ARID4B: variants seen among roughly 807,000 people sequenced by gnomAD.
ARID4B encodes the protein AT-rich interactive domain-containing protein 4B.
In ARID4B, 26 loss-of-function variants were observed where a neutral mutation model predicts 147.5. That is an observed-to-expected ratio of 0.18 (90% confidence interval 0.13 to 0.24). The LOEUF (loss-of-function observed/expected upper bound fraction) is 0.24. Ranked by LOEUF, ARID4B falls within the 10% of genes least tolerant of loss-of-function variation. The probability of loss-of-function intolerance (pLI) is 1.00; values close to 1 mark genes in which losing one functional copy is unlikely to be tolerated. For missense variants in ARID4B, 1,179 were observed against 1,511.5 expected, an observed-to-expected ratio of 0.78 and a Z score of 3.65; for synonymous variants, 512 against 507.9, an observed-to-expected ratio of 1.01 and a Z score of -0.11.
intron 23 of ARID4B, among the ~76,000 whole-genome samples, chr1:235,171,306 G>A (rs1053227945): frequency 1.3e-5 from 2 of 151,864 alleles, no homozygotes; most frequent in African/African-American, 2.4e-5. Context: ...GTGGCAGCAC[G>A]CTTGTAATCC....
chr1:235,291,289 C>T (rs1431979774), intron 2 of ARID4B, among the ~76,000 whole-genome samples: 1 of 151,756 alleles, frequency 6.6e-6, no homozygotes, highest in Non-Finnish European at 1.5e-5. Context: ...TGCCTGTAGT[C>T]CCAGCTACCT....
At chr1:235,307,053 G>A (rs1210448516) in intron 2 of ARID4B, among the ~76,000 whole-genome samples, 1 of 152,164 alleles carries the variant, frequency 6.6e-6, no homozygotes. Flanking sequence ...AAGCTTTTCA[G>A]TGAGAGAAAG....
At chr1:235,283,594 C>T (rs1352862456) in intron 2 of ARID4B, among the ~76,000 whole-genome samples, 1 of 151,878 alleles carries the variant, frequency 6.6e-6, no homozygotes, top group Non-Finnish European at 1.5e-5. Flanking sequence ...GCTTTATGTT[C>T]ATTATTAAAT....
At chr1:235,235,630 G>A (rs960355773) in intron 8 of ARID4B, among the ~76,000 whole-genome samples, 7 of 152,110 alleles carry the variant, frequency 4.6e-5, no homozygotes, top group African/African-American at 1.4e-4. Context: ...GCTTTAAAAG[G>A]AGATGAGATC....
At chr1:235,184,397 A>G (rs1664529603) in intron 19 of ARID4B, among the ~76,000 whole-genome samples, 1 of 152,116 alleles carries the variant, frequency 6.6e-6, no homozygotes, top group South Asian at 2.1e-4. Context: ...GGTCTTAAAT[A>G]AATAAGAAAA....
chr1:235,270,684 T>C (rs918999914), intron 2 of ARID4B, among the ~76,000 whole-genome samples: 1 of 152,228 alleles, frequency 6.6e-6, no homozygotes, highest in Non-Finnish European at 1.5e-5. Flanking sequence ...GGCACTGTTC[T>C]AAGTATCAAA....
chr1:235,201,514 G>A (rs1354687338), intron 17 of ARID4B, among the ~76,000 whole-genome samples: 2 of 152,074 alleles, frequency 1.3e-5, no homozygotes, highest in Non-Finnish European at 2.9e-5. Context: ...TGTAGAGAGA[G>A]GGTGTCACTA....
intron 2 of ARID4B, among the ~76,000 whole-genome samples, chr1:235,271,392 G>A (rs933809359): frequency 6.6e-6 from 1 of 151,956 alleles, no homozygotes; most frequent in Non-Finnish European, 1.5e-5. Flanking sequence ...CACTTTGGGA[G>A]GCTGAGACAG....
In ARID4B at chr1:235,231,175, C is replaced by T; in HGVS notation, c.680G>A (p.Arg227Lys). 1 of 1,581,294 alleles carries T rather than the reference C, an allele frequency of 6.3e-7. No homozygotes were observed. The part of the protein sequence containing the change: ...FKDGKFTSVP[R>K]KDVHEITSDT... ...ACTAGTAATTTCATGGACATCTTTTCTTGGAACTGAAGTACTATATATTTT... is the reference window on the plus strand; with the variant it reads ...ACTAGTAATTTCATGGACATCTTTTTTTGGAACTGAAGTACTATATATTTT... The change falls in exon 10 of 24, where the codon AGA (arginine) becomes AAA (lysine). Residue 227 changes from arginine to lysine, a missense_variant. By Grantham distance (26) the Arg-to-Lys change is conservative (BLOSUM62 2). Transcript: ENST00000264183.
At chr1:235,204,772 G>C (rs1666198898) in intron 17 of ARID4B, among the ~76,000 whole-genome samples, 1 of 152,176 alleles carries the variant, frequency 6.6e-6, no homozygotes, top group South Asian at 2.1e-4. Context: ...TTAGTTATTT[G>C]TGCGTACTTA....
chr1:235,323,523 G>A (rs1462267814), intron 2 of ARID4B, among the ~76,000 whole-genome samples: 18 of 152,118 alleles, frequency 1.2e-4, no homozygotes, highest in Non-Finnish European at 5.9e-5. Flanking sequence ...AGTGGCTCAC[G>A]CCTGTAATCC....
intron 2 of ARID4B, among the ~76,000 whole-genome samples, chr1:235,273,283 A>T (rs1671106960): frequency 6.6e-6 from 1 of 152,154 alleles, no homozygotes; most frequent in Non-Finnish European, 1.5e-5. Flanking sequence ...ACCTCAGATG[A>T]TCCGCCAGCC....
chr1:235,190,654 T>C (rs1665033296), intron 19 of ARID4B, among the ~76,000 whole-genome samples: 1 of 152,110 alleles, frequency 6.6e-6, no homozygotes, highest in Non-Finnish European at 1.5e-5. Context: ...AATAAAGATA[T>C]TTGCAAAAAT....
Position 235,223,260 on chromosome 1 carries a change from C to T in ARID4B, c.971G>A (p.Gly324Asp). 3 of 1,534,284 alleles carry T rather than the reference C, an allele frequency of 2.0e-6. No individual in the cohort carries two copies. The highest frequency in any genetic ancestry group is 2.1e-5 in the Admixed American group (1 of 47,130). ...TACAGGTCGTTTGTTAATAGGTGTA[C>T]CTGTTACAGAAAACACAAACTATAT... ...QQLYKFMEDRGTPINKRPVLG... is the reference protein window; with the variant it reads ...QQLYKFMEDRDTPINKRPVLG... The change falls in exon 13 of 24, where the codon GGT becomes GAT. Residue 324 changes from glycine to aspartate, a missense_variant and splice_region_variant. Around this residue, in one of 10 missense-constraint regions of ARID4B, gnomAD observed 26 missense variants for 77.9 expected, o/e 0.33. Transcript: ENST00000264183.
At chr1:235,195,820 T>C (rs773387095) in intron 18 of ARID4B, among the ~76,000 whole-genome samples, 40 of 152,192 alleles carry the variant, frequency 2.6e-4, no homozygotes, top group Non-Finnish European at 4.4e-4. Context: ...AATGGCTTTA[T>C]ATAATGTTGG....
intron 2 of ARID4B, among the ~76,000 whole-genome samples, chr1:235,314,700 G>T (rs1674308918): frequency 6.6e-6 from 1 of 151,802 alleles, no homozygotes; most frequent in Non-Finnish European, 1.5e-5. Context: ...AAGAAATCTG[G>T]TTTATATTTA....
intron 2 of ARID4B, among the ~76,000 whole-genome samples, chr1:235,300,419 A>T (rs1288623355): frequency 1.4e-4 from 2 of 13,810 alleles, no homozygotes; most frequent in Non-Finnish European, 2.4e-4. Context: ...TCCGTCTCAT[A>T]AAAAAAAAAA....
intron 2 of ARID4B, among the ~76,000 whole-genome samples, chr1:235,307,405 G>A (rs1251355852): frequency 1.3e-5 from 2 of 152,084 alleles, no homozygotes; most frequent in Non-Finnish European, 2.9e-5. Flanking sequence ...TGATCACACC[G>A]CTAAATTCCA....
chr1:235,233,029 A>C (rs1447033091), intron 9 of ARID4B, among the ~76,000 whole-genome samples: 1 of 151,940 alleles, frequency 6.6e-6, no homozygotes, highest in Non-Finnish European at 1.5e-5. Context: ...GTAGAGACGG[A>C]GTTTTGCCAT....
Sources: allele counts gnomAD v4.1 joint callset (sites outside exome capture counted in the v4.1 genomes callset), GRCh38; gene constraint gnomAD v4.1.1; regional missense constraint gnomAD v4.1.1; transcripts MANE v1.5; gene names NCBI Gene and HGNC (gene_info 2026-07-23, HGNC 2026-07-21).